STK32C: variants seen among roughly 807,000 people sequenced by gnomAD.
The protein encoded by STK32C is serine/threonine kinase 32C.
STK32C carries 31 observed loss-of-function variants against 56.5 expected under a neutral mutation model. The ratio of observed to expected loss-of-function variants is 0.55; its 90% CI spans 0.41 to 0.74. The LOEUF (loss-of-function observed/expected upper bound fraction) is 0.74, where lower values mean the gene tolerates loss of function less well. Ranked by LOEUF, STK32C falls within the 30% of genes least tolerant of loss-of-function variation. The pLI, the probability that STK32C is intolerant of heterozygous loss-of-function variation, is 0.00. For missense variants in STK32C, 544 were observed against 676.9 expected (o/e 0.80, Z 2.18); for synonymous variants, 309 against 289.4 (o/e 1.07, Z -0.69).
intron 1 of STK32C, among the ~76,000 whole-genome samples, chr10:132,303,247 C>T (rs188188772): frequency 6.6e-6 from 1 of 152,216 alleles, no homozygotes; most frequent in Non-Finnish European, 1.5e-5. Flanking sequence ...AAGGAGAGAG[C>T]TTTCTCACTC....
intron 1 of STK32C, among the ~76,000 whole-genome samples, chr10:132,316,029 G>A (rs1342124212): frequency 6.6e-6 from 1 of 152,134 alleles, no homozygotes; most frequent in Non-Finnish European, 1.5e-5. Context: ...ATGAGATGCA[G>A]CTAGTTTTAA....
intron 1 of STK32C, among the ~76,000 whole-genome samples, chr10:132,295,119 C>T (rs185641871): frequency 1.3e-5 from 2 of 152,276 alleles, no homozygotes; most frequent in East Asian, 3.9e-4. Flanking sequence ...ACGGAAAACA[C>T]GTTAAGCTGA....
At chr10:132,254,103 A>C (rs1046019814) in intron 1 of STK32C, among the ~76,000 whole-genome samples, 1 of 152,166 alleles carries the variant, frequency 6.6e-6, no homozygotes, top group African/African-American at 2.4e-5. Flanking sequence ...AGGTCAGGAG[A>C]TCGAGACCAT....
At chr10:132,217,416 C>A (rs1395875275) in intron 10 of STK32C, among the ~76,000 whole-genome samples, 5 of 152,192 alleles carry the variant, frequency 3.3e-5, no homozygotes, top group Non-Finnish European at 7.3e-5. Flanking sequence ...GACTCATAGG[C>A]AGAAGGGACT....
chr10:132,223,712 C>A (rs747101525), intron 8 of STK32C, among the ~76,000 whole-genome samples: 9 of 152,188 alleles, frequency 5.9e-5, no homozygotes, highest in Non-Finnish European at 7.3e-5. Flanking sequence ...CAGGAGGCCC[C>A]ACCTGCCTGA....
upstream of STK32C, among the ~76,000 whole-genome samples, chr10:132,308,280 G>C (rs2066147572): frequency 6.6e-6 from 1 of 152,174 alleles, no homozygotes; most frequent in African/African-American, 2.4e-5. Flanking sequence ...GTCCCCACGG[G>C]TATCCTGGGG....
intron 10 of STK32C, among the ~76,000 whole-genome samples, chr10:132,213,896 G>C (rs973420376): frequency 5.3e-5 from 8 of 152,036 alleles, no homozygotes; most frequent in African/African-American, 1.9e-4. Flanking sequence ...TGGTTCCTCA[G>C]TAGACTGGAT....
intron 1 of STK32C, among the ~76,000 whole-genome samples, chr10:132,314,180 T>C (rs1255803117): frequency 1.3e-5 from 2 of 152,230 alleles, no homozygotes; most frequent in East Asian, 1.9e-4. Context: ...ATCAATTTCA[T>C]GTTGAAAGAC....
At chr10:132,249,228 T>C (rs1280131213) in intron 1 of STK32C, 5 of 309,938 alleles carry the variant, frequency 1.6e-5, no homozygotes, top group Non-Finnish European at 1.3e-5. Flanking sequence ...GTGCTGGGAG[T>C]GGGGCTGAGG....
chr10:132,316,784 G>A lies in STK32C; in HGVS notation c.301+14652C>T, dbSNP rs151327832. Among the ~76,000 whole-genome samples, 15 of 152,234 alleles carry A rather than the reference G, an allele frequency of 9.9e-5. No homozygotes were observed. In the East Asian group the frequency reaches 1.5e-3, roughly 16 times the overall value. On this transcript the variant is annotated intron_variant, in intron 1 of 3. Transcript: ENST00000368620. ...AAGATACTTAAAAGAGTCCAGGCGC[G>A]GTGGCTTATGCCTGTAATCCCAGCA...
intron 1 of STK32C, among the ~76,000 whole-genome samples, chr10:132,283,367 T>C (rs536683042): frequency 2.6e-5 from 4 of 152,288 alleles, no homozygotes; most frequent in Admixed American, 2.6e-4. Context: ...TGTGAAGGCG[T>C]TGGCAGAACG....
At chr10:132,228,327 G>A (rs1027917167) in intron 2 of STK32C, 199 bp from the exon 3 acceptor site, 4 of 652,078 alleles carry the variant, frequency 6.1e-6, no homozygotes, top group Non-Finnish European at 1.1e-5. Flanking sequence ...TTTGCTCTGG[G>A]GATTAAGATG....
At chr10:132,218,315 T>C (rs1177562190) in intron 10 of STK32C, among the ~76,000 whole-genome samples, 1 of 151,752 alleles carries the variant, frequency 6.6e-6, no homozygotes, top group Non-Finnish European at 1.5e-5. Context: ...CAAGACCCTG[T>C]CTCTAAAAAA....
At chr10:132,232,741 G>A (rs944585926) in intron 2 of STK32C, among the ~76,000 whole-genome samples, 3 of 151,410 alleles carry the variant, frequency 2.0e-5, no homozygotes, top group Non-Finnish European at 4.4e-5. Context: ...AACGCCACCC[G>A]GAGCCCTGGG....
At chr10:132,241,751 G>A (rs1400276302) in intron 2 of STK32C, among the ~76,000 whole-genome samples, 1 of 152,192 alleles carries the variant, frequency 6.6e-6, no homozygotes. Flanking sequence ...CCCAGAGAGA[G>A]GCCTGCACCC....
intron 2 of STK32C, among the ~76,000 whole-genome samples, chr10:132,242,850 G>T (rs1012278985): frequency 6.6e-6 from 1 of 152,240 alleles, no homozygotes; most frequent in Admixed American, 6.5e-5. Flanking sequence ...CAGCCAGAGG[G>T]GCGGCTCCTC....
chr10:132,314,485 A>G (rs1324099631), intron 1 of STK32C, among the ~76,000 whole-genome samples: 1 of 152,250 alleles, frequency 6.6e-6, no homozygotes, highest in East Asian at 1.9e-4. Context: ...GAAAATAAAG[A>G]GCAGAGTGGT....
intron 1 of STK32C, among the ~76,000 whole-genome samples, chr10:132,282,784 G>A (rs1476074371): frequency 2.0e-5 from 3 of 152,258 alleles, no homozygotes; most frequent in Admixed American, 2.0e-4. Context: ...CCACTCCTCT[G>A]GGGAACCGGC....
At chr10:132,298,117 C>T (rs527732700) in intron 1 of STK32C, among the ~76,000 whole-genome samples, 1 of 152,310 alleles carries the variant, frequency 6.6e-6, no homozygotes, top group East Asian at 1.9e-4. Context: ...CCAACTCGTC[C>T]CTGCTCTCCC....
Sources: gnomAD v4.1 joint callset for allele counts (sites outside exome capture counted in the v4.1 genomes callset) on GRCh38, gnomAD v4.1.1 for gene constraint, MANE v1.5 for transcripts, NCBI Gene and HGNC (gene_info 2026-07-23, HGNC 2026-07-21) for gene names.